ZSCAN5A: variants seen among roughly 807,000 people sequenced by gnomAD.
The protein encoded by ZSCAN5A is zinc finger and SCAN domain containing 5A.
A neutral mutation model predicts 23.7 loss-of-function variants in ZSCAN5A; 12 were observed. That is an observed-to-expected ratio of 0.51 (90% confidence interval 0.32 to 0.82). ZSCAN5A has a LOEUF of 0.82. Ranked by LOEUF, ZSCAN5A falls within the 40% of genes least tolerant of loss-of-function variation. ZSCAN5A has a pLI of 0.03. For synonymous variants in ZSCAN5A, 257 were observed against 239.9 expected (o/e 1.07, Z -0.66); for missense variants, 597 against 617.9 (o/e 0.97, Z 0.36).
At chr19:56,264,974 T>C (rs1472382332) in intron 2 of ZSCAN5A, among the ~76,000 whole-genome samples, 8 of 151,840 alleles carry the variant, frequency 5.3e-5, no homozygotes, top group Admixed American at 5.2e-4. Context: ...ATACAAAAAT[T>C]AGCCAGGTGT....
chr19:56,251,533 C>CTAGTTT (rs202069762), intron 2 of ZSCAN5A, among the ~76,000 whole-genome samples: 2,003 of 152,264 alleles, frequency 0.013, 41 homozygotes, highest in African/African-American at 0.043. Flanking sequence ...GGCCTGCTAC[C>CTAGTTT]TTCAATAGCC....
At chr19:56,275,351 CT>C (rs1443062657) in intron 2 of ZSCAN5A, among the ~76,000 whole-genome samples, 1 of 152,130 alleles carries the variant, frequency 6.6e-6, no homozygotes, top group Non-Finnish European at 1.5e-5. Flanking sequence ...ATTCAATGGC[CT>C]TTCTCTGTAA....
chr19:56,265,050 A>G (rs113339183), intron 2 of ZSCAN5A, among the ~76,000 whole-genome samples: 14,915 of 152,102 alleles, frequency 0.098, 817 homozygotes, highest in South Asian at 0.17. Flanking sequence ...TGAACCTGGG[A>G]GGCGGAGGTT....
chr19:56,354,609 G>C (rs1342582888), intron 2 of ZSCAN5A: 1 of 152,136 alleles, frequency 6.6e-6, no homozygotes, highest in Non-Finnish European at 1.5e-5. Context: ...TCCACTCCAA[G>C]GGAGATCCTA....
intron 2 of ZSCAN5A, among the ~76,000 whole-genome samples, chr19:56,275,120 A>G (rs976013975): frequency 6.6e-6 from 1 of 152,194 alleles, no homozygotes; most frequent in Non-Finnish European, 1.5e-5. Context: ...TCCCTCGGCT[A>G]AGGTGGTGTC....
At chr19:56,291,331 G>A (rs907245333) in intron 2 of ZSCAN5A, among the ~76,000 whole-genome samples, 9 of 152,138 alleles carry the variant, frequency 5.9e-5, no homozygotes, top group Non-Finnish European at 8.8e-5. Context: ...GAATCCCCAC[G>A]GAAACTGAAT....
At chr19:56,334,982 TA>T (rs1463483821) in intron 2 of ZSCAN5A, among the ~76,000 whole-genome samples, 1 of 152,014 alleles carries the variant, frequency 6.6e-6, no homozygotes, top group Non-Finnish European at 1.5e-5. Flanking sequence ...AGAATACGGA[TA>T]AAAACAAACT....
At chr19:56,240,189 C>A (rs1298093568) in intron 2 of ZSCAN5A, among the ~76,000 whole-genome samples, 3 of 143,136 alleles carry the variant, frequency 2.1e-5, no homozygotes, top group African/African-American at 7.7e-5. Context: ...GAAAAAAAAA[C>A]CCATAAAACC....
chr19:56,349,800 C>T (rs1035913438), intron 2 of ZSCAN5A, among the ~76,000 whole-genome samples: 1 of 151,524 alleles, frequency 6.6e-6, no homozygotes, highest in Admixed American at 6.6e-5. Context: ...CTTACTCAGT[C>T]CCACTCCTAC....
chr19:56,303,344 G>GGC (rs968791288), intron 2 of ZSCAN5A, among the ~76,000 whole-genome samples: 17 of 152,204 alleles, frequency 1.1e-4, no homozygotes, highest in African/African-American at 4.1e-4. Context: ...CGGGCATGGT[G>GGC]GCGCATGCCT....
intron 2 of ZSCAN5A, among the ~76,000 whole-genome samples, chr19:56,237,849 G>A (rs1487016831): frequency 6.7e-6 from 1 of 149,712 alleles, no homozygotes; most frequent in Non-Finnish European, 1.5e-5. Flanking sequence ...CCCGGGAGGT[G>A]GAGGTTGCAG....
intron 4 of ZSCAN5A, 78 bp from the exon 5 acceptor site, chr19:56,222,819 T>C: frequency 6.3e-7 from 1 of 1,594,970 alleles, no homozygotes; most frequent in Non-Finnish European, 8.6e-7. Flanking sequence ...CCCTTCTGAT[T>C]GGATGCAACA....
intron 2 of ZSCAN5A, among the ~76,000 whole-genome samples, chr19:56,290,305 C>A (rs1401975792): frequency 6.6e-6 from 1 of 152,206 alleles, no homozygotes; most frequent in Non-Finnish European, 1.5e-5. Flanking sequence ...CACAATCACA[C>A]CCATTCATTT....
chr19:56,228,991 C>T (rs200041956), intron 2 of ZSCAN5A, among the ~76,000 whole-genome samples: 3,720 of 152,166 alleles, frequency 0.024, 142 homozygotes, highest in African/African-American at 0.079. Flanking sequence ...TATAGATACA[C>T]TGAGGGTCCT....
chr19:56,229,818 T>C (rs1311078906), intron 2 of ZSCAN5A, among the ~76,000 whole-genome samples: 6 of 152,180 alleles, frequency 3.9e-5, no homozygotes, highest in African/African-American at 1.4e-4. Flanking sequence ...CTGGTTAAAT[T>C]TATTACCAGG....
At chr19:56,353,254 T>C (rs1363002201) in intron 2 of ZSCAN5A, among the ~76,000 whole-genome samples, 3 of 152,184 alleles carry the variant, frequency 2.0e-5, no homozygotes, top group African/African-American at 7.2e-5. Flanking sequence ...GTGTAACGGA[T>C]ACTACAGTGT....
At chr19:56,338,682 AAGG>A (rs1363905439) in intron 2 of ZSCAN5A, 16 of 152,386 alleles carry the variant, frequency 1.0e-4, no homozygotes, top group African/African-American at 3.6e-4. Flanking sequence ...TCTAGGGAGG[AAGG>A]AGATGTTTCC....
intron 2 of ZSCAN5A, among the ~76,000 whole-genome samples, chr19:56,271,089 G>T (rs2037815062): frequency 6.6e-6 from 1 of 152,242 alleles, no homozygotes; most frequent in Admixed American, 6.5e-5. Flanking sequence ...ATTTGATAAA[G>T]CAAAGAAACA....
intron 2 of ZSCAN5A, among the ~76,000 whole-genome samples, chr19:56,289,908 C>T (rs2039401326): frequency 1.3e-5 from 2 of 152,224 alleles, no homozygotes; most frequent in Non-Finnish European, 2.9e-5. Flanking sequence ...GCCACCACTT[C>T]TGACCCTCAC....
Sources: allele counts gnomAD v4.1 joint callset (sites outside exome capture counted in the v4.1 genomes callset), GRCh38; gene constraint gnomAD v4.1.1; transcripts MANE v1.5; gene names NCBI Gene and HGNC (gene_info 2026-07-23, HGNC 2026-07-21).